The following PTPRD variants were observed in gnomAD, a reference collection of about 807,000 sequenced individuals.
The protein encoded by PTPRD is receptor-type tyrosine-protein phosphatase delta.
A neutral mutation model predicts 214.5 loss-of-function variants in PTPRD; 34 were observed. That is an observed-to-expected ratio of 0.16 (90% CI 0.12 to 0.21). The LOEUF (loss-of-function observed/expected upper bound fraction) is 0.21, where lower values mean the gene tolerates loss of function less well. Among genes scored for constraint, PTPRD ranks in the 10% least tolerant of loss-of-function variants. The pLI is 1.00. For synonymous variants in PTPRD, 1,128 were observed against 845.7 expected, an observed-to-expected ratio of 1.33 and a Z score of -5.79; for missense variants, 2,545 against 2,398.7, an observed-to-expected ratio of 1.06 and a Z score of -1.27.
chr9:10,513,221 T>C (rs1178843691), intron 2 of PTPRD, among the ~76,000 whole-genome samples: 1 of 151,922 alleles, frequency 6.6e-6, no homozygotes, highest in Non-Finnish European at 1.5e-5. Context: ...AAGCGTTTAT[T>C]TTAAAAATGT....
chr9:8,746,062 G>A (rs909072378), intron 11 of PTPRD, among the ~76,000 whole-genome samples: 2 of 152,162 alleles, frequency 1.3e-5, no homozygotes, highest in East Asian at 3.9e-4. Flanking sequence ...CCAAGGTGGT[G>A]GAATTACAGG....
chr9:10,241,438 G>C (rs972970149), intron 3 of PTPRD, among the ~76,000 whole-genome samples: 4 of 152,050 alleles, frequency 2.6e-5, no homozygotes, highest in Non-Finnish European at 5.9e-5. Flanking sequence ...GCCAAGAACT[G>C]ACAAGAGTAG....
chr9:9,044,902 C>A (rs1415459575), intron 10 of PTPRD, among the ~76,000 whole-genome samples: 2 of 152,088 alleles, frequency 1.3e-5, no homozygotes, highest in African/African-American at 4.8e-5. Context: ...AAGCACAACC[C>A]AAGACAGCAC....
intron 9 of PTPRD, among the ~76,000 whole-genome samples, chr9:9,288,222 T>C (rs913002393): frequency 6.6e-6 from 1 of 151,862 alleles, no homozygotes; most frequent in Non-Finnish European, 1.5e-5. Context: ...CTCTAAAATT[T>C]TGTTGTCGGA....
At chr9:8,537,717 T>C (rs2077295750) in intron 14 of PTPRD, among the ~76,000 whole-genome samples, 1 of 152,000 alleles carries the variant, frequency 6.6e-6, no homozygotes, top group African/African-American at 2.4e-5. Context: ...CAAAGCTCCA[T>C]TTTATGAAAT....
At chr9:9,884,090 C>G (rs983332719) in intron 5 of PTPRD, among the ~76,000 whole-genome samples, 1 of 152,024 alleles carries the variant, frequency 6.6e-6, no homozygotes, top group Non-Finnish European at 1.5e-5. Context: ...CTAAAGGATA[C>G]GCAGTAAACA....
intron 3 of PTPRD, among the ~76,000 whole-genome samples, chr9:10,091,090 G>A (rs2098424805): frequency 1.3e-5 from 2 of 151,116 alleles, no homozygotes; most frequent in African/African-American, 2.4e-5. Flanking sequence ...GGCAGAGCTT[G>A]ACTTCTTAAC....
chr9:8,541,526 G>A (rs748063017), intron 14 of PTPRD, among the ~76,000 whole-genome samples: 29 of 152,056 alleles, frequency 1.9e-4, no homozygotes, highest in Non-Finnish European at 2.9e-4. Context: ...CACCATACCC[G>A]TCTTTTCTTT....
At chr9:9,976,652 G>A (rs1023426805) in intron 4 of PTPRD, among the ~76,000 whole-genome samples, 1 of 120,058 alleles carries the variant, frequency 8.3e-6, no homozygotes, top group African/African-American at 3.3e-5. Flanking sequence ...CTCCCAAAAT[G>A]CTGAGATTAC....
chr9:9,069,562 T>C (rs2099740730), intron 10 of PTPRD, among the ~76,000 whole-genome samples: 1 of 152,212 alleles, frequency 6.6e-6, no homozygotes, highest in South Asian at 2.1e-4. Flanking sequence ...AGTAACAACC[T>C]TAGATTGCTG....
chr9:10,105,012 C>A (rs1353394917), intron 3 of PTPRD, among the ~76,000 whole-genome samples: 1 of 151,838 alleles, frequency 6.6e-6, no homozygotes. Context: ...GAAAAGACTC[C>A]AAATAATGCT....
intron 3 of PTPRD, among the ~76,000 whole-genome samples, chr9:10,333,931 T>TCC (rs1475026320): frequency 1.3e-5 from 2 of 151,804 alleles, no homozygotes; most frequent in Non-Finnish European, 2.9e-5. Context: ...GAAGAAAATT[T>TCC]CCCTCATTCT....
At chr9:8,672,968 A>G (rs1024533695) in intron 12 of PTPRD, among the ~76,000 whole-genome samples, 2 of 152,178 alleles carry the variant, frequency 1.3e-5, no homozygotes, top group African/African-American at 4.8e-5. Context: ...TGGAAAATTT[A>G]TATGGAAAAG....
intron 14 of PTPRD, among the ~76,000 whole-genome samples, chr9:8,609,486 G>A (rs1446800788): frequency 6.6e-6 from 1 of 152,142 alleles, no homozygotes; most frequent in Non-Finnish European, 1.5e-5. Context: ...AAATTAATAT[G>A]TGACAAGTAT....
intron 2 of PTPRD, among the ~76,000 whole-genome samples, chr9:10,530,227 T>C (rs1303611228): frequency 4.0e-5 from 6 of 151,868 alleles, no homozygotes; most frequent in Admixed American, 6.6e-5. Context: ...AGACTCAAAC[T>C]TAATCTATAC....
At chr9:10,258,856 T>C (rs969639239) in intron 3 of PTPRD, among the ~76,000 whole-genome samples, 1 of 152,190 alleles carries the variant, frequency 6.6e-6, no homozygotes, top group Non-Finnish European at 1.5e-5. Context: ...TTATACTTAA[T>C]TTATAATTCA....
chr9:9,508,979 C>T (rs892862041), intron 8 of PTPRD, among the ~76,000 whole-genome samples: 6 of 151,322 alleles, frequency 4.0e-5, no homozygotes, highest in East Asian at 1.9e-4. Flanking sequence ...GTTGTGAAAC[C>T]GTTCCAATTG....
chr9:10,103,537 G>C (rs914303420), intron 3 of PTPRD, among the ~76,000 whole-genome samples: 2 of 151,262 alleles, frequency 1.3e-5, no homozygotes, highest in African/African-American at 4.9e-5. Context: ...TCTCATTAGA[G>C]AAAGGGAATT....
intron 14 of PTPRD, among the ~76,000 whole-genome samples, chr9:8,545,877 C>G (rs756430650): frequency 1.2e-4 from 18 of 152,156 alleles, no homozygotes; most frequent in Non-Finnish European, 2.2e-4. Flanking sequence ...TCCCATTAAG[C>G]CTGTTCAAGA....
Sources: gnomAD v4.1 joint callset for allele counts (sites outside exome capture counted in the v4.1 genomes callset) on GRCh38, gnomAD v4.1.1 for gene constraint, MANE v1.5 for transcripts, NCBI Gene and HGNC (gene_info 2026-07-23, HGNC 2026-07-21) for gene names.